MTSS2: variants seen among roughly 807,000 people sequenced by gnomAD.
The protein encoded by MTSS2 is protein MTSS 2.
In MTSS2, 27 loss-of-function variants were observed where a neutral mutation model predicts 67.1. That is an observed-to-expected ratio of 0.40 (90% CI 0.30 to 0.55). The LOEUF (loss-of-function observed/expected upper bound fraction) is 0.55, where lower values mean the gene tolerates loss of function less well. Among genes scored for constraint, MTSS2 ranks in the 20% least tolerant of loss-of-function variants. The pLI is 0.43. For synonymous variants in MTSS2, 624 were observed against 468.6 expected (o/e 1.33, Z -4.28); for missense variants, 1,171 against 1,067.8 (o/e 1.10, Z -1.35).
intron 7 of MTSS2, 25 bp from the exon 8 acceptor site, chr16:70,678,434 T>C: frequency 6.3e-7 from 1 of 1,592,102 alleles, no homozygotes; most frequent in Non-Finnish European, 8.6e-7. Context: ...AGGAGAGGCC[T>C]TGCTGGGGAT....
intron 1 of MTSS2, among the ~76,000 whole-genome samples, chr16:70,684,745 G>A (rs991883688): frequency 2.0e-5 from 3 of 152,188 alleles, no homozygotes; most frequent in Admixed American, 6.5e-5. Context: ...ACGGCAGGAG[G>A]GCAGGAATAC....
chr16:70,684,550 C>T (rs2053396864), intron 1 of MTSS2, among the ~76,000 whole-genome samples: 1 of 152,146 alleles, frequency 6.6e-6, no homozygotes, highest in Non-Finnish European at 1.5e-5. Context: ...CCTGTCCTAG[C>T]AGCACTGTAC....
intron 11 of MTSS2, among the ~76,000 whole-genome samples, chr16:70,666,325 A>G (rs1287853469): frequency 6.6e-6 from 1 of 152,196 alleles, no homozygotes; most frequent in African/African-American, 2.4e-5. Flanking sequence ...GGACTGAAGT[A>G]TGAAAGGGAC....
At chr16:70,679,148 C>CG (rs892000522) in intron 7 of MTSS2, among the ~76,000 whole-genome samples, 167 bp downstream of exon 7, 5 of 152,066 alleles carry the variant, frequency 3.3e-5, no homozygotes, top group African/African-American at 1.2e-4. Context: ...CCAGGGACCC[C>CG]GGGGGCCCCA....
intron 11 of MTSS2, among the ~76,000 whole-genome samples, chr16:70,669,818 T>A (rs112816520): frequency 5.1e-4 from 74 of 145,780 alleles, no homozygotes; most frequent in Non-Finnish European, 5.0e-4. Flanking sequence ...CTCTGTCTCA[T>A]AAAAAAAAAA....
intron 1 of MTSS2, among the ~76,000 whole-genome samples, chr16:70,684,083 G>C (rs2053383205): frequency 6.6e-6 from 1 of 152,240 alleles, no homozygotes; most frequent in Non-Finnish European, 1.5e-5. Flanking sequence ...TGGCTGGAGA[G>C]GGAGAGAGAC....
chr16:70,677,798 G>A lies in MTSS2; in HGVS notation c.726C>T (p.Ser242=), dbSNP rs149546219. ...TAEPHKLPPA[S]EQVIKDLKGS... is the part of the protein sequence containing the mutation. ...GGCCAGAGGGCTCCCGCACCTGCTC[G>A]CTGGCGGGAGGCAGTTTGTGGGGTT... Residue 242 remains serine, a synonymous_variant, in exon 9 of 15, where the codon AGC becomes AGT. Coordinates refer to ENST00000338779, the MANE Select transcript of MTSS2 (RefSeq NM_138383.3). 9.3e-6 allele frequency: 15 copies of A among 1,608,430 alleles called. No individual in the cohort carries two copies. The highest frequency in any genetic ancestry group is 5.6e-5 in the South Asian group (5 of 89,530).
chr16:70,684,687 C>G (rs749572139), intron 1 of MTSS2, among the ~76,000 whole-genome samples: 7 of 152,070 alleles, frequency 4.6e-5, no homozygotes, highest in Non-Finnish European at 8.8e-5. Flanking sequence ...TTCCCCTTCT[C>G]CCAGCCCCCA....
intron 1 of MTSS2, 66 bp downstream of exon 1, chr16:70,685,647 GGCCACCCGCC>G: frequency 1.1e-6 from 1 of 937,166 alleles, no homozygotes; most frequent in Non-Finnish European, 1.3e-6. Context: ...CACGAGGCTC[GGCCACCCGCC>G]GCCACGCGTC....
chr16:70,664,086 C>T lies in MTSS2; in HGVS notation c.1835G>A (p.Ser612Asn). 1 of 1,611,872 alleles carries T rather than the reference C, an allele frequency of 6.2e-7. No individual in the cohort carries two copies. Among genetic ancestry groups the T allele is most frequent in the East Asian group, 2.2e-5 (1 of 44,838 alleles). ...GTCGGTATAGAAGACGCACTCCTCA[C>T]TGCCCGCCCGTGTGGGCCCCATGTA... ...PGYMGPTRAG[S>N]EECVFYTDET... Residue 612 changes from serine to asparagine, a missense_variant, in exon 15 of 15, where the codon AGT becomes AAT. Physicochemically the swap from Ser to Asn is conservative, Grantham distance 46 (BLOSUM62 1). This residue lies in a region of MTSS2 where 924 missense variants were observed against 756.0 expected (regional missense o/e 1.22). Coordinates refer to ENST00000338779, the MANE Select transcript of MTSS2 (RefSeq NM_138383.3).
In MTSS2 at chr16:70,679,559, C is replaced by A. The variant is rs1035744963; in HGVS notation, c.457+71G>T. On this transcript the variant is annotated intron_variant, in intron 6 of 14. Coordinates refer to ENST00000338779, the MANE Select transcript of MTSS2 (RefSeq NM_138383.3). Reference sequence around the variant, plus strand: ...TCTGGCTGGGATGAAGGCTTTGGGGCGCCCCACGGGGCGGTGGGGCTGTGG... The same window carrying A: ...TCTGGCTGGGATGAAGGCTTTGGGGAGCCCCACGGGGCGGTGGGGCTGTGG... 1.7e-5 allele frequency: 25 copies of A among 1,460,600 alleles called. No individual in the cohort carries two copies. In the African/African-American group the frequency reaches 3.2e-4, roughly 19 times the overall value. 90.5% of individuals were successfully genotyped at this position (1,460,600 alleles called of 1,614,324 possible).
In MTSS2 at chr16:70,661,694, C is replaced by G; in HGVS notation, c.*1983G>C. 2 of 233,186 alleles carry G rather than the reference C, an allele frequency of 8.6e-6. No individual in the cohort carries two copies. Among genetic ancestry groups the G allele is most frequent in the Non-Finnish European group, 1.7e-5 (2 of 117,584 alleles). 14.4% of individuals were successfully genotyped at this position (233,186 alleles called of 1,614,324 possible). On this transcript the variant is annotated 3_prime_UTR_variant, in exon 15 of 15. Coordinates refer to ENST00000338779, the MANE Select transcript of MTSS2 (RefSeq NM_138383.3). ...GATGGAGTAGAGTATGTACAGCCCC[C>G]GGGGCTCACAGGGGAGGGGGACGGC...
At chr16:70,666,190 G>A (rs936750310) in intron 11 of MTSS2, among the ~76,000 whole-genome samples, 10 of 152,168 alleles carry the variant, frequency 6.6e-5, no homozygotes, top group South Asian at 4.1e-4. Flanking sequence ...CCTGCTCTGC[G>A]GAGAAGGGGG....
chr16:70,681,073 A>C (rs778983412), intron 1 of MTSS2, 48 bp from the exon 2 acceptor site: 43 of 1,562,410 alleles, frequency 2.8e-5, no homozygotes, highest in Non-Finnish European at 3.7e-5. Context: ...GGGTGGTTGC[A>C]GGGCTTGACC....
chr16:70,672,758 G>GAGAT (rs2052985994), intron 11 of MTSS2, among the ~76,000 whole-genome samples: 2 of 151,902 alleles, frequency 1.3e-5, no homozygotes, highest in Non-Finnish European at 2.9e-5. Flanking sequence ...GAGAAACAAG[G>GAGAT]AGATAGAAAA....
At chr16:70,682,895 C>T (rs2053344214) in intron 1 of MTSS2, among the ~76,000 whole-genome samples, 1 of 152,152 alleles carries the variant, frequency 6.6e-6, no homozygotes, top group Admixed American at 6.5e-5. Flanking sequence ...GCTCATTTGC[C>T]CACGGCCACA....
intron 12 of MTSS2, 143 bp downstream of exon 12, chr16:70,665,323 G>A (rs891477153): frequency 3.0e-6 from 3 of 1,002,834 alleles, no homozygotes; most frequent in South Asian, 1.7e-5. Context: ...ATGGCCAGGT[G>A]GCTTGTCTCT....
intron 11 of MTSS2, among the ~76,000 whole-genome samples, chr16:70,672,529 A>G (rs2052974790): frequency 6.6e-6 from 1 of 151,956 alleles, no homozygotes; most frequent in African/African-American, 2.4e-5. Flanking sequence ...TGGTGGTTAC[A>G]TAAAGTAAGA....
chr16:70,677,304 G>A (rs1321682951), intron 9 of MTSS2, among the ~76,000 whole-genome samples: 1 of 152,212 alleles, frequency 6.6e-6, no homozygotes, highest in African/African-American at 2.4e-5. Context: ...TAGAGTGGAA[G>A]ATTCCCTGAG....
Sources: gnomAD v4.1 joint callset for allele counts (sites outside exome capture counted in the v4.1 genomes callset) on GRCh38, gnomAD v4.1.1 for gene constraint, gnomAD v4.1.1 regional missense constraint, MANE v1.5 for transcripts, NCBI Gene and HGNC (gene_info 2026-07-23, HGNC 2026-07-21) for gene names.